SHISA9: variants seen among roughly 807,000 people sequenced by gnomAD.
The protein encoded by SHISA9 is shisa family member 9.
Under a neutral mutation model 38.0 loss-of-function variants are expected in SHISA9, and 13 were observed. The ratio of observed to expected loss-of-function variants is 0.34; its 90% confidence interval spans 0.22 to 0.54. The LOEUF (loss-of-function observed/expected upper bound fraction) is 0.54, where lower values mean the gene tolerates loss of function less well. Ranked by LOEUF, SHISA9 falls within the 20% of genes least tolerant of loss-of-function variation. The probability of loss-of-function intolerance (pLI) is 0.91; values close to 1 mark genes in which losing one functional copy is unlikely to be tolerated. For missense variants in SHISA9, 538 were observed against 575.8 expected, an observed-to-expected ratio of 0.93 and a Z score of 0.67; for synonymous variants, 275 against 242.0, an observed-to-expected ratio of 1.14 and a Z score of -1.27.
At chr16:13,526,866 C>G in the SHISA9 span, among the ~76,000 whole-genome samples, 1 of 152,186 alleles carries the variant, frequency 6.6e-6, no homozygotes, top group Non-Finnish European at 1.5e-5. Context: ...AACGTACATC[C>G]ATGGTGAAGA....
intron 2 of SHISA9, among the ~76,000 whole-genome samples, chr16:12,983,353 G>A (rs1241337078): frequency 6.6e-6 from 1 of 152,232 alleles, no homozygotes; most frequent in Non-Finnish European, 1.5e-5. Context: ...TGGAAAACGG[G>A]AATGTTTGTC....
At chr16:13,467,444 A>G in the SHISA9 span, among the ~76,000 whole-genome samples, 5 of 152,134 alleles carry the variant, frequency 3.3e-5, no homozygotes, top group African/African-American at 1.2e-4. Context: ...TTAGACTCAG[A>G]CTGGGGACTG....
the SHISA9 span, among the ~76,000 whole-genome samples, chr16:13,281,708 AT>A: frequency 1.3e-5 from 2 of 151,606 alleles, no homozygotes; most frequent in Non-Finnish European, 3.0e-5. Context: ...TTGTAAACCA[AT>A]TAGAGTTTAT....
the SHISA9 span, among the ~76,000 whole-genome samples, chr16:13,271,912 C>G: frequency 1.3e-5 from 2 of 151,948 alleles, no homozygotes; most frequent in South Asian, 2.1e-4. Context: ...TGAAACCCCT[C>G]TACTAAAAAT....
chr16:13,168,477 A>C (rs1265544678), intron 2 of SHISA9, among the ~76,000 whole-genome samples: 1 of 152,104 alleles, frequency 6.6e-6, no homozygotes, highest in African/African-American at 2.4e-5. Context: ...ACATATAATC[A>C]CATGGTCCAT....
chr16:13,315,408 T>C, the SHISA9 span, among the ~76,000 whole-genome samples: 3 of 152,182 alleles, frequency 2.0e-5, no homozygotes, highest in South Asian at 6.2e-4. Context: ...ACCCAATCTT[T>C]AGTATGTTTA....
intron 2 of SHISA9, among the ~76,000 whole-genome samples, chr16:13,152,072 A>C (rs1307847489): frequency 1.3e-5 from 2 of 152,230 alleles, no homozygotes; most frequent in Middle Eastern, 3.2e-3. Flanking sequence ...AACAAAGCAG[A>C]AACCTTATTT....
chr16:13,561,453 T>C, the SHISA9 span, among the ~76,000 whole-genome samples: 1 of 152,202 alleles, frequency 6.6e-6, no homozygotes, highest in Non-Finnish European at 1.5e-5. Context: ...TGTGAAGCAT[T>C]CTAAGTGAGA....
At chr16:13,464,829 A>C in the SHISA9 span, among the ~76,000 whole-genome samples, 36,063 of 128,260 alleles carry the variant, frequency 0.28, 4,404 homozygotes, top group South Asian at 0.36. Context: ...GCCCACCCCC[A>C]CCCCCCACCT....
the SHISA9 span, among the ~76,000 whole-genome samples, chr16:13,524,964 C>T: frequency 5.9e-4 from 90 of 152,232 alleles, no homozygotes; most frequent in African/African-American, 2.1e-3. Context: ...TGTTTCCAGA[C>T]GTTGCTAAAT....
the SHISA9 span, among the ~76,000 whole-genome samples, chr16:13,279,560 A>G: frequency 6.6e-6 from 1 of 151,964 alleles, no homozygotes; most frequent in Non-Finnish European, 1.5e-5. Context: ...TGAGACTTGT[A>G]TGGACCTGCA....
chr16:13,423,528 G>T, the SHISA9 span, among the ~76,000 whole-genome samples: 2 of 152,034 alleles, frequency 1.3e-5, no homozygotes, highest in Non-Finnish European at 2.9e-5. Flanking sequence ...GGCTTTCGGG[G>T]ACTAATCTTT....
the SHISA9 span, among the ~76,000 whole-genome samples, chr16:13,316,582 G>A: frequency 1.3e-4 from 20 of 152,102 alleles, no homozygotes; most frequent in South Asian, 2.5e-3. Flanking sequence ...CTATATCACC[G>A]AATCTAAAAT....
chr16:13,160,446 C>G (rs367696269), intron 2 of SHISA9, among the ~76,000 whole-genome samples: 1 of 152,172 alleles, frequency 6.6e-6, no homozygotes, highest in East Asian at 1.9e-4. Flanking sequence ...AATCCCTCCT[C>G]CAGTAATATA....
the SHISA9 span, among the ~76,000 whole-genome samples, chr16:13,499,890 G>T: frequency 6.6e-6 from 1 of 152,172 alleles, no homozygotes; most frequent in Non-Finnish European, 1.5e-5. Flanking sequence ...AACAATGGTT[G>T]AGCAGGAACG....
At chr16:13,521,425 A>G in the SHISA9 span, among the ~76,000 whole-genome samples, 50 of 152,176 alleles carry the variant, frequency 3.3e-4, no homozygotes, top group Non-Finnish European at 6.6e-4. Flanking sequence ...GCCCTGTATC[A>G]CACATATTTA....
At chr16:13,437,835 C>T in the SHISA9 span, among the ~76,000 whole-genome samples, 4 of 150,470 alleles carry the variant, frequency 2.7e-5, no homozygotes, top group Admixed American at 1.3e-4. Flanking sequence ...TAAGAGAAGG[C>T]AAGTCTAAGT....
At chr16:13,216,960 A>G (rs1045235690) in intron 4 of SHISA9, among the ~76,000 whole-genome samples, 1 of 151,732 alleles carries the variant, frequency 6.6e-6, no homozygotes, top group African/African-American at 2.4e-5. Flanking sequence ...AAATCCACCC[A>G]CCTGTCACAC....
At chr16:13,513,720 G>C in the SHISA9 span, among the ~76,000 whole-genome samples, 1 of 152,150 alleles carries the variant, frequency 6.6e-6, no homozygotes, top group Admixed American at 6.5e-5. Flanking sequence ...ATGATCCTCA[G>C]CAAACTGACA....
Sources: gnomAD v4.1 joint callset for allele counts (sites outside exome capture counted in the v4.1 genomes callset) on GRCh38, gnomAD v4.1.1 for gene constraint, MANE v1.5 for transcripts, NCBI Gene and HGNC (gene_info 2026-07-23, HGNC 2026-07-21) for gene names.